Variants in CR1L observed in about 807,000 individuals in gnomAD.
CR1L encodes the protein complement component receptor 1-like protein.
Under a neutral mutation model 62.3 loss-of-function variants are expected in CR1L, and 59 were observed. The observed-to-expected ratio is 0.95, with a 90% CI of 0.77 to 1.18. The LOEUF is 1.18. Ranked by LOEUF, CR1L falls within the 50% of genes most tolerant of loss-of-function variation. CR1L has a pLI of 0.00. For synonymous variants in CR1L, 279 were observed against 248.7 expected (o/e 1.12, Z -1.15); for missense variants, 700 against 702.8 (o/e 1.00, Z 0.04).
intron 11 of CR1L, among the ~76,000 whole-genome samples, chr1:207,718,785 G>T (rs1314605465): frequency 1.3e-5 from 2 of 151,908 alleles, no homozygotes; most frequent in Non-Finnish European, 1.5e-5. Flanking sequence ...TATAAATCAT[G>T]CTGCTATAAA....
chr1:207,649,198 G>A (rs1020080642), intron 1 of CR1L, among the ~76,000 whole-genome samples: 1 of 152,182 alleles, frequency 6.6e-6, no homozygotes, highest in African/African-American at 2.4e-5. Flanking sequence ...AGCTGAGCAG[G>A]AGTTGTAGCT....
At chr1:207,648,587 CAT>C (rs10573245) in intron 1 of CR1L, among the ~76,000 whole-genome samples, 72,076 of 151,774 alleles carry the variant, frequency 0.47, 17,636 homozygotes, top group African/African-American at 0.59. Flanking sequence ...CAGAAGGAAA[CAT>C]GTGTCAAATT....
chr1:207,672,679 A>G (rs183346809), intron 1 of CR1L, among the ~76,000 whole-genome samples: 1 of 152,270 alleles, frequency 6.6e-6, no homozygotes, highest in Admixed American at 6.5e-5. Context: ...TAGTATGCTA[A>G]TTAAGCTTTA....
rs563633497 is a variant in CR1L at position 207,703,740 on chromosome 1, A to G, written c.1328+2122A>G. Among the ~76,000 whole-genome samples the G allele has an allele frequency of 1.7e-3, 261 of 152,348 alleles. 1 individual carries two copies. The highest frequency in any genetic ancestry group is 5.8e-3 in the African/African-American group (243 of 41,592). On this transcript the variant is annotated intron_variant, in intron 9 of 11. Coordinates refer to ENST00000508064, the MANE Select transcript of CR1L (RefSeq NM_175710.2). Reference sequence around the variant, plus strand: ...GGGAGACCAAGGTGGGCGGATCATGAGGTCAGGATTTCAAGACCAGCCTGG... The same window carrying G: ...GGGAGACCAAGGTGGGCGGATCATGGGGTCAGGATTTCAAGACCAGCCTGG...
At chr1:207,710,607 G>A in intron 10 of CR1L, 1 of 1,610,056 alleles carries the variant, frequency 6.2e-7, no homozygotes, top group Non-Finnish European at 8.5e-7. Flanking sequence ...CCTAACAAAT[G>A]CACACCTCCA....
intron 4 of CR1L, among the ~76,000 whole-genome samples, chr1:207,689,320 T>G (rs940828208): frequency 6.6e-6 from 1 of 152,008 alleles, no homozygotes; most frequent in Non-Finnish European, 1.5e-5. Context: ...CAACCTATGT[T>G]GCTTGTGATG....
chr1:207,694,151 T>A (rs551060325), intron 4 of CR1L, among the ~76,000 whole-genome samples: 4 of 152,292 alleles, frequency 2.6e-5, no homozygotes, highest in East Asian at 3.9e-4. Context: ...AATAAATGCA[T>A]GCAAATATTA....
At chr1:207,716,357 C>T (rs1653999052) in intron 10 of CR1L, among the ~76,000 whole-genome samples, 1 of 152,076 alleles carries the variant, frequency 6.6e-6, no homozygotes, top group Non-Finnish European at 1.5e-5. Flanking sequence ...GATGAGGTGT[C>T]CTAAATTTCC....
At chr1:207,686,885 A>G (rs1453350625) in intron 4 of CR1L, among the ~76,000 whole-genome samples, 2 of 152,230 alleles carry the variant, frequency 1.3e-5, no homozygotes, top group African/African-American at 2.4e-5. Flanking sequence ...AAAGAGGCCC[A>G]GAAGAGCTCC....
intron 4 of CR1L, among the ~76,000 whole-genome samples, chr1:207,690,969 A>G (rs1332574286): frequency 6.6e-6 from 1 of 152,198 alleles, no homozygotes; most frequent in African/African-American, 2.4e-5. Context: ...GATTGTATCT[A>G]CAAAGACTCT....
chr1:207,679,260 C>CCCAAAGTGTAA, intron 3 of CR1L, among the ~76,000 whole-genome samples: 1 of 151,458 alleles, frequency 6.6e-6, no homozygotes, highest in South Asian at 2.1e-4. Context: ...ACCTCCCGGC[C>CCCAAAGTGTAA]TCCCAAAGTG....
chr1:207,662,481 A>G (rs1397862847), intron 1 of CR1L, among the ~76,000 whole-genome samples: 1 of 152,120 alleles, frequency 6.6e-6, no homozygotes, highest in Non-Finnish European at 1.5e-5. Context: ...TTCTCGTGCC[A>G]TAGTTTTCAG....
rs753871071 is a variant in CR1L at position 207,708,227 on chromosome 1, A to G, written c.1378A>G (p.Thr460Ala). 6.8e-6 allele frequency: 11 copies of G among 1,611,380 alleles called. No individual in the cohort carries two copies. The Admixed American group carries it at 1.3e-4, about 20-fold the overall frequency. The change falls in exon 10 of 12, where the codon ACT becomes GCT. Residue 460 changes from threonine (T) to alanine (A), a missense_variant. By Grantham distance (58) the Thr-to-Ala change is moderately conservative. Coordinates refer to ENST00000508064, the MANE Select transcript of CR1L (RefSeq NM_175710.2). ...TGCTGAATGTATCCTCTCGGGCAAT[A>G]CTGCCCATTGGAGCATGAAGCCACC... ...SSAECILSGN[T>A]AHWSMKPPIC... is the part of the protein sequence containing the mutation.
At position 207,655,211 on chromosome 1, in the gene CR1L, A is replaced by C. The variant is rs1248133668; in HGVS notation, c.97+9881A>C. ...TTAGTTATTACTTAATTGGTAAAGAAATTCTATATTGTGAACTTAAAGGAT... is the reference window on the plus strand; with the variant it reads ...TTAGTTATTACTTAATTGGTAAAGACATTCTATATTGTGAACTTAAAGGAT... On this transcript the variant is annotated intron_variant, in intron 1 of 11. Coordinates refer to ENST00000508064, the MANE Select transcript of CR1L (RefSeq NM_175710.2). 7 of 679,142 alleles carry C rather than the reference A, an allele frequency of 1.0e-5. No homozygotes were observed. In the African/African-American group the frequency reaches 1.3e-4, roughly 12 times the overall value. The allele number at this position is 679,142 out of a possible 1,614,324, so 42.1% of individuals were successfully genotyped here. A position where few individuals can be genotyped will look rare whatever the true frequency, so the allele number is the denominator to read the frequency against.
At chr1:207,657,387 T>A in intron 1 of CR1L, 2 of 685,908 alleles carry the variant, frequency 2.9e-6, no homozygotes, top group South Asian at 1.7e-5. Context: ...AATAGTTTTA[T>A]CTACAAATAA....
intron 10 of CR1L, among the ~76,000 whole-genome samples, chr1:207,712,861 T>C (rs371954884): frequency 6.6e-6 from 1 of 152,322 alleles, no homozygotes; most frequent in African/African-American, 2.4e-5. Flanking sequence ...TTGTTTGTGA[T>C]GAAGGGTGAG....
chr1:207,673,980 C>G (rs2102455586), intron 1 of CR1L, among the ~76,000 whole-genome samples: 1 of 152,228 alleles, frequency 6.6e-6, no homozygotes, highest in South Asian at 2.1e-4. Flanking sequence ...GAATATTACC[C>G]AGCAACAAAA....
At chr1:207,715,070 G>T (rs1174902389) in intron 10 of CR1L, among the ~76,000 whole-genome samples, 1 of 152,182 alleles carries the variant, frequency 6.6e-6, no homozygotes, top group Non-Finnish European at 1.5e-5. Flanking sequence ...CTTCAGCTCT[G>T]ATTGCTTTGC....
At chr1:207,682,725 T>C (rs1303413320) in intron 3 of CR1L, among the ~76,000 whole-genome samples, 1 of 152,216 alleles carries the variant, frequency 6.6e-6, no homozygotes, top group East Asian at 1.9e-4. Context: ...TCATGTATAG[T>C]ACTATCAAGT....
Sources: allele counts gnomAD v4.1 joint callset (sites outside exome capture counted in the v4.1 genomes callset), GRCh38; gene constraint gnomAD v4.1.1; transcripts MANE v1.5; gene names NCBI Gene and HGNC (gene_info 2026-07-23, HGNC 2026-07-21).